RNLS: variants seen among roughly 807,000 people sequenced by gnomAD.
RNLS encodes the protein renalase, FAD dependent amine oxidase.
Under a neutral mutation model 39.8 loss-of-function variants are expected in RNLS, and 39 were observed. That is an observed-to-expected ratio of 0.98 (90% CI 0.76 to 1.28). The LOEUF (loss-of-function observed/expected upper bound fraction) is 1.28. Among genes scored for constraint, RNLS ranks in the 50% most tolerant of loss-of-function variants. The pLI is 0.00. For synonymous variants in RNLS, 147 were observed against 150.7 expected (o/e 0.98, Z 0.18); for missense variants, 410 against 413.3 (o/e 0.99, Z 0.07).
chr10:88,507,014 CAG>C (rs10617761), intron 4 of RNLS, among the ~76,000 whole-genome samples: 28,412 of 151,988 alleles, frequency 0.19, 2,920 homozygotes, highest in Middle Eastern at 0.28. Context: ...AGAGGAAATG[CAG>C]AGAGTCAATA....
the RNLS span, among the ~76,000 whole-genome samples, chr10:88,217,746 A>G: frequency 6.7e-6 from 1 of 150,352 alleles, no homozygotes; most frequent in African/African-American, 2.4e-5. Context: ...ATGAAAAAAA[A>G]AAAAAAAAGA....
chr10:88,287,467 C>T (rs550162580), intron 6 of RNLS, among the ~76,000 whole-genome samples: 1 of 152,188 alleles, frequency 6.6e-6, no homozygotes, highest in East Asian at 1.9e-4. Context: ...TTTAATTTGT[C>T]AGTAAAACAC....
intron 5 of RNLS, among the ~76,000 whole-genome samples, chr10:88,322,306 G>A (rs1381347226): frequency 6.6e-6 from 1 of 152,182 alleles, no homozygotes; most frequent in Non-Finnish European, 1.5e-5. Flanking sequence ...AGCCATACAT[G>A]GCAAACCCAC....
chr10:88,251,658 T>C, the RNLS span, among the ~76,000 whole-genome samples: 2 of 152,198 alleles, frequency 1.3e-5, no homozygotes, highest in African/African-American at 4.8e-5. Flanking sequence ...AAGTCACACA[T>C]GGCCAACACT....
At position 88,284,912 on chromosome 10, in the gene RNLS, G is replaced by C. The variant is rs188938821; in HGVS notation, c.*442C>G. Reference sequence around the variant, plus strand: ...CTACATTTTGGAAAAATCTTGTTTTGTATAATTTGCAAAAATATTGATTCA... The same window carrying C: ...CTACATTTTGGAAAAATCTTGTTTTCTATAATTTGCAAAAATATTGATTCA... On this transcript the variant is annotated 3_prime_UTR_variant, in exon 7 of 7. Coordinates refer to ENST00000331772, the MANE Select transcript of RNLS (RefSeq NM_001031709.3). The C allele has an allele frequency of 6.1e-6, 6 of 985,796 alleles. No homozygotes were observed. The East Asian group carries it at 5.7e-4, about 93-fold the overall frequency. The allele number at this position is 985,796 out of a possible 1,614,324, so 61.1% of individuals were successfully genotyped here. A position where few individuals can be genotyped will look rare whatever the true frequency, so the allele number is the denominator to read the frequency against.
chr10:88,192,103 A>G, the RNLS span, among the ~76,000 whole-genome samples: 3 of 152,036 alleles, frequency 2.0e-5, no homozygotes, highest in Admixed American at 2.0e-4. Flanking sequence ...GAGACAGATT[A>G]TCTTTATGTT....
the RNLS span, among the ~76,000 whole-genome samples, chr10:88,199,395 C>T: frequency 2.6e-5 from 4 of 152,202 alleles, no homozygotes; most frequent in African/African-American, 9.6e-5. Flanking sequence ...TGTTGTTGGC[C>T]GTCTGTCCCA....
intron 4 of RNLS, among the ~76,000 whole-genome samples, chr10:88,380,520 C>T (rs1851380940): frequency 6.6e-6 from 1 of 151,018 alleles, no homozygotes; most frequent in Non-Finnish European, 1.5e-5. Context: ...GGACCACAGG[C>T]GCCCGCCACC....
the RNLS span, among the ~76,000 whole-genome samples, chr10:88,245,300 G>A: frequency 3.9e-5 from 6 of 152,228 alleles, no homozygotes; most frequent in East Asian, 1.9e-4. Flanking sequence ...ACCATTGTTC[G>A]TTCAAAAGAT....
intron 4 of RNLS, among the ~76,000 whole-genome samples, chr10:88,446,332 T>C (rs1842034388): frequency 6.6e-6 from 1 of 152,160 alleles, no homozygotes; most frequent in Non-Finnish European, 1.5e-5. Flanking sequence ...GAGGGAAATT[T>C]ATAGCACTAA....
Position 88,362,600 on chromosome 10 carries a change from T to TA in RNLS, c.651dup (p.Asn218Ter), listed in dbSNP as rs1282877159. ...ATGGAGACGAAGCGTATGCAGGGAT[T>TA]ACTGGTGATGTACTGCCCAGCCCAA... is the stretch of plus-strand genomic sequence containing the variant. On this transcript the variant is annotated frameshift_variant, in exon 5 of 7. Coordinates refer to ENST00000331772, the MANE Select transcript of RNLS (RefSeq NM_001031709.3). LOFTEE classifies it high-confidence loss of function. The TA allele has an allele frequency of 6.2e-7, 1 of 1,613,814 alleles. No homozygotes were observed. Among genetic ancestry groups the TA allele is most frequent in the African/African-American group, 1.3e-5 (1 of 74,910 alleles).
At chr10:88,477,116 A>G (rs1843864612) in intron 4 of RNLS, among the ~76,000 whole-genome samples, 1 of 152,116 alleles carries the variant, frequency 6.6e-6, no homozygotes, top group South Asian at 2.1e-4. Flanking sequence ...TTTTGTATCA[A>G]TATCATTAAA....
At chr10:88,402,462 A>T (rs1209720619) in intron 4 of RNLS, among the ~76,000 whole-genome samples, 1 of 152,026 alleles carries the variant, frequency 6.6e-6, no homozygotes, top group East Asian at 1.9e-4. Flanking sequence ...CATTGCTGAG[A>T]CATACTCTAA....
intron 4 of RNLS, among the ~76,000 whole-genome samples, chr10:88,549,121 T>TA (rs1848488288): frequency 1.3e-5 from 2 of 152,216 alleles, no homozygotes; most frequent in Non-Finnish European, 2.9e-5. Context: ...GTTGTAGTGC[T>TA]ATACTGTCTC....
intron 4 of RNLS, among the ~76,000 whole-genome samples, chr10:88,410,044 C>T (rs1324951919): frequency 1.1e-4 from 16 of 152,060 alleles, no homozygotes; most frequent in Admixed American, 1.0e-3. Context: ...TGGCTGTGTT[C>T]AGCAAAACTT....
intron 5 of RNLS, among the ~76,000 whole-genome samples, chr10:88,331,852 C>G (rs1847137902): frequency 6.6e-6 from 1 of 151,994 alleles, no homozygotes; most frequent in African/African-American, 2.4e-5. Flanking sequence ...GAAGAGCAAG[C>G]CAATCATATC....
chr10:88,257,043 CA>C, the RNLS span, among the ~76,000 whole-genome samples: 59,202 of 146,106 alleles, frequency 0.41, 12,078 homozygotes, highest in African/African-American at 0.54. Flanking sequence ...TGTGTTGTGC[CA>C]AAAAAAAAAA....
At chr10:88,571,238 TC>T (rs1255837967) in intron 4 of RNLS, among the ~76,000 whole-genome samples, 1 of 152,064 alleles carries the variant, frequency 6.6e-6, no homozygotes, top group African/African-American at 2.4e-5. Context: ...TGCCTCACCC[TC>T]CCAAAGTGCT....
At chr10:88,179,912 G>GA in the RNLS span, among the ~76,000 whole-genome samples, 4 of 152,092 alleles carry the variant, frequency 2.6e-5, no homozygotes, top group Non-Finnish European at 5.9e-5. Context: ...GGTTGCTTAA[G>GA]AAAAAACCCT....
Sources: allele counts gnomAD v4.1 joint callset (sites outside exome capture counted in the v4.1 genomes callset), GRCh38; gene constraint gnomAD v4.1.1; transcripts MANE v1.5; gene names NCBI Gene and HGNC (gene_info 2026-07-23, HGNC 2026-07-21).